The following POF1B variants were observed in gnomAD, a reference collection of about 807,000 sequenced individuals.
The protein encoded by POF1B is POF1B actin binding protein, also known as protein POF1B.
A neutral mutation model predicts 55.3 loss-of-function variants in POF1B; 53 were observed. That is an observed-to-expected ratio of 0.96 (90% confidence interval 0.77 to 1.20). The LOEUF (loss-of-function observed/expected upper bound fraction) is 1.20, where lower values mean the gene tolerates loss of function less well. POF1B is among the 50% of genes most tolerant of loss of function. The probability of loss-of-function intolerance (pLI) is 0.00; values close to 1 mark genes in which losing one functional copy is unlikely to be tolerated. For synonymous variants in POF1B, 188 were observed against 148.3 expected, an observed-to-expected ratio of 1.27 and a Z score of -1.95; for missense variants, 478 against 420.5, an observed-to-expected ratio of 1.14 and a Z score of -1.20.
chrX:85,314,453 C>T lies in POF1B; in HGVS notation c.936G>A (p.Gln312=). The change falls in exon 9 of 17, where the codon CAG becomes CAA. Residue 312 remains glutamine, a synonymous_variant. Coordinates refer to ENST00000262753, the MANE Select transcript of POF1B (RefSeq NM_024921.4). ...TCACCTGCAGAATGTAGCGTATTTG[C>T]TGTTTTGTAAACTCTGATAATCCTT... ...IPKGLSEFTK[Q]QIRYILQMRG... The T allele has an allele frequency of 1.7e-6, 2 of 1,198,959 alleles. No homozygotes were observed. The highest frequency in any genetic ancestry group is 3.6e-5 in the South Asian group (2 of 55,115).
At chrX:85,345,565 T>C (rs1398742978) in intron 6 of POF1B, among the ~76,000 whole-genome samples, 4 of 111,360 alleles carry the variant, frequency 3.6e-5, no homozygotes, top group Admixed American at 9.6e-5. Context: ...TGAAAATATT[T>C]AACATTGCAC....
chrX:85,326,921 G>A (rs773552588), intron 7 of POF1B, among the ~76,000 whole-genome samples: 4 of 110,517 alleles, frequency 3.6e-5, no homozygotes, highest in Admixed American at 1.9e-4. Context: ...GTCTGGGGCC[G>A]CGGGAGAAGG....
At chrX:85,351,202 T>C (rs1418630124) in intron 5 of POF1B, 148 bp downstream of exon 5, 16 of 357,397 alleles carry the variant, frequency 4.5e-5, no homozygotes, top group Non-Finnish European at 7.7e-5. Context: ...GTATTAAGGA[T>C]GGTATGAAGG....
At chrX:85,366,102 G>A (rs1933716493) in intron 3 of POF1B, among the ~76,000 whole-genome samples, 1 of 111,959 alleles carries the variant, frequency 8.9e-6, no homozygotes, top group Non-Finnish European at 1.9e-5. Flanking sequence ...TTAACAAAAA[G>A]TGTTCAGCCA....
At position 85,307,076 on chromosome X, in the gene POF1B, A is replaced by T; in HGVS notation, c.1164+87T>A. 3 of 736,462 alleles carry T rather than the reference A, an allele frequency of 4.1e-6. No homozygotes were observed. In the East Asian group the frequency reaches 1.0e-4, roughly 26 times the overall value. 60.7% of individuals were successfully genotyped at this position (736,462 alleles called of 1,213,427 possible). On this transcript the variant is annotated intron_variant, in intron 11 of 16. Coordinates refer to ENST00000262753, the MANE Select transcript of POF1B (RefSeq NM_024921.4). ...TTCCATCATATTTAATTCTGTCTTG[A>T]TTATATCTCATAACTCCAATGTGCC...
chrX:85,335,657 C>A (rs1006952035), intron 6 of POF1B, among the ~76,000 whole-genome samples: 2 of 110,573 alleles, frequency 1.8e-5, no homozygotes, highest in East Asian at 2.8e-4. Context: ...AGAAATGATG[C>A]TACCTAGTGC....
intron 6 of POF1B, among the ~76,000 whole-genome samples, chrX:85,333,547 G>A (rs1933014302): frequency 9.0e-6 from 1 of 110,749 alleles, no homozygotes; most frequent in Non-Finnish European, 1.9e-5. Flanking sequence ...TAGTAATTCT[G>A]GAAAGAATTT....
At chrX:85,352,781 A>G (rs748774281) in intron 4 of POF1B, among the ~76,000 whole-genome samples, 216 of 111,456 alleles carry the variant, frequency 1.9e-3, no homozygotes, top group African/African-American at 6.7e-3. Context: ...GCATAAAAAT[A>G]TAAGTCTGAC....
chrX:85,349,137 C>A (rs940173028), intron 5 of POF1B, among the ~76,000 whole-genome samples: 4 of 110,612 alleles, frequency 3.6e-5, no homozygotes, highest in Non-Finnish European at 7.6e-5. Flanking sequence ...AGACTATATC[C>A]CAGCTTTCCA....
At chrX:85,308,063 A>G in intron 10 of POF1B, 61 bp downstream of exon 10, 2 of 707,660 alleles carry the variant, frequency 2.8e-6, no homozygotes, top group Non-Finnish European at 4.3e-6. Context: ...GGACATCTTT[A>G]TTTCTGTATT....
chrX:85,324,009 A>G (rs755744409), intron 7 of POF1B, among the ~76,000 whole-genome samples: 1 of 111,883 alleles, frequency 8.9e-6, no homozygotes, highest in Non-Finnish European at 1.9e-5. Context: ...TTTCATTTCC[A>G]TTTAATTATA....
At chrX:85,316,890 A>G (rs1018999718) in intron 7 of POF1B, among the ~76,000 whole-genome samples, 1 of 110,420 alleles carries the variant, frequency 9.1e-6, no homozygotes, top group Non-Finnish European at 1.9e-5. Flanking sequence ...TCCACCCTCA[A>G]GTAGGCCCCA....
chrX:85,367,821 A>C, intron 2 of POF1B, 55 bp from the exon 3 acceptor site: 2 of 803,031 alleles, frequency 2.5e-6, no homozygotes, highest in Non-Finnish European at 3.6e-6. Context: ...TTAAGTTCTC[A>C]TGGTATTTTT....
intron 6 of POF1B, among the ~76,000 whole-genome samples, chrX:85,335,320 C>A (rs1156316301): frequency 1.8e-5 from 2 of 111,251 alleles, no homozygotes. Flanking sequence ...AAGGTTATAA[C>A]GTATAGATTA....
Position 85,279,338 on chromosome X carries a change from G to T in POF1B, c.*83C>A. On this transcript the variant is annotated 3_prime_UTR_variant, in exon 17 of 17. Coordinates refer to ENST00000262753, the MANE Select transcript of POF1B (RefSeq NM_024921.4). ...CAAATTCTGATTGGCCTTTAGTGAT[G>T]GAAAAATAACAAAGTACTAATGCAG... 2.0e-6 allele frequency: 2 copies of T among 988,516 alleles called. No homozygotes were observed. The highest frequency in any genetic ancestry group is 1.4e-6 in the Non-Finnish European group (1 of 717,779). 81.5% of individuals were successfully genotyped at this position (988,516 alleles called of 1,213,427 possible).
At chrX:85,301,676 C>T (rs1412834644) in intron 15 of POF1B, among the ~76,000 whole-genome samples, 2 of 111,056 alleles carry the variant, frequency 1.8e-5, no homozygotes, top group Non-Finnish European at 3.8e-5. Flanking sequence ...GTAAAAGTAA[C>T]TAAAATGGAA....
chrX:85,357,640 C>G (rs6623268), intron 4 of POF1B, among the ~76,000 whole-genome samples: 1 of 110,054 alleles, frequency 9.1e-6, no homozygotes, highest in Non-Finnish European at 1.9e-5. Context: ...TTGCATTTGC[C>G]TCTGTTATGG....
chrX:85,299,215 G>A (rs191338853), intron 15 of POF1B, among the ~76,000 whole-genome samples: 18,565 of 90,951 alleles, frequency 0.2, 2,174 homozygotes, highest in African/African-American at 0.39. Flanking sequence ...TTTTTGAGAC[G>A]GAGTCTTGCT....
At chrX:85,311,416 C>T (rs1300985292) in intron 9 of POF1B, among the ~76,000 whole-genome samples, 1 of 109,304 alleles carries the variant, frequency 9.1e-6, no homozygotes, top group Non-Finnish European at 1.9e-5. Context: ...CACTGTTCAA[C>T]TCCCACTTAT....
Sources: gnomAD v4.1 joint callset for allele counts (sites outside exome capture counted in the v4.1 genomes callset) on GRCh38, gnomAD v4.1.1 for gene constraint, MANE v1.5 for transcripts, NCBI Gene and HGNC (gene_info 2026-07-23, HGNC 2026-07-21) for gene names.